Variants in SPTBN1 observed in about 807,000 individuals in gnomAD.
SPTBN1 encodes spectrin beta chain, non-erythrocytic 1.
In SPTBN1, 32 loss-of-function variants were observed where a neutral mutation model predicts 266.4. The ratio of observed to expected loss-of-function variants is 0.12; its 90% CI spans 0.09 to 0.16. SPTBN1 has a LOEUF of 0.16. SPTBN1 is among the 10% of genes least tolerant of loss of function. The pLI, the probability that SPTBN1 is intolerant of heterozygous loss-of-function variation, is 1.00. For synonymous variants in SPTBN1, 1,336 were observed against 1,162.2 expected, an observed-to-expected ratio of 1.15 and a Z score of -3.04; for missense variants, 2,296 against 3,067.1, an observed-to-expected ratio of 0.75 and a Z score of 5.94.
chr2:54,617,536 A>G (rs771016714), intron 5 of SPTBN1, 72 bp from the exon 6 acceptor site: 3 of 1,442,780 alleles, frequency 2.1e-6, no homozygotes, highest in Non-Finnish European at 1.9e-6. Context: ...TTTATTAACA[A>G]AGCACTTGGC....
At chr2:54,565,027 A>AG (rs1418009079) in intron 2 of SPTBN1, among the ~76,000 whole-genome samples, 1 of 152,236 alleles carries the variant, frequency 6.6e-6, no homozygotes. Context: ...TGAGGTCCCC[A>AG]GGTCAGCATC....
intron 2 of SPTBN1, among the ~76,000 whole-genome samples, chr2:54,544,149 G>T (rs1361674310): frequency 6.6e-6 from 1 of 152,162 alleles, no homozygotes; most frequent in Non-Finnish European, 1.5e-5. Flanking sequence ...ACAGATTTCA[G>T]TCTGAGATTT....
intron 1 of SPTBN1, among the ~76,000 whole-genome samples, chr2:54,466,486 C>T (rs1232377273): frequency 1.6e-5 from 1 of 63,446 alleles, no homozygotes; most frequent in Non-Finnish European, 2.5e-5. Flanking sequence ...GGCGTGAACC[C>T]GGGAGGCGAA....
At chr2:54,507,363 G>A (rs1006842368) in intron 1 of SPTBN1, among the ~76,000 whole-genome samples, 9 of 152,158 alleles carry the variant, frequency 5.9e-5, no homozygotes, top group Middle Eastern at 6.8e-3. Flanking sequence ...GAAAATTTTG[G>A]GGGGTGGTAT....
In SPTBN1 at chr2:54,626,013, G is replaced by A. The variant is rs747062361; in HGVS notation, c.1423G>A (p.Glu475Lys). ...EAIETDIAAY[E>K]ERVQAVVAVA... ...CATTGAGACAGACATTGCCGCATACGAGGAGCGTGTGCAGGCTGTGGTAGC... is the reference window on the plus strand; with the variant it reads ...CATTGAGACAGACATTGCCGCATACAAGGAGCGTGTGCAGGCTGTGGTAGC... Residue 475 changes from glutamate (E) to lysine (K), a missense_variant, in exon 12 of 36, where the codon GAG becomes AAG. Transcript: ENST00000356805. This position sits in a 1 kb window ranked among gnomAD's most constrained non-coding sequence, Gnocchi z 4.7. The A allele has an allele frequency of 5.6e-6, 9 of 1,614,074 alleles. No homozygotes were observed. The highest frequency in any genetic ancestry group is 1.7e-5 in the Admixed American group (1 of 60,006).
Position 54,624,875 on chromosome 2 carries a change from G to A in SPTBN1, c.1254G>A (p.Glu418=), listed in dbSNP as rs1223936878. The change falls in exon 11 of 36, where the codon GAG becomes GAA. Residue 418 remains glutamate (E), a synonymous_variant. Coordinates refer to ENST00000356805, the MANE Select transcript of SPTBN1 (RefSeq NM_003128.3). ...TGCGGAATGAGCTCATAAGACAGGA[G>A]AAACTGGAACAGCTCGCCCGCAGAT... is the stretch of plus-strand genomic sequence containing the variant. ...LALRNELIRQ[E]KLEQLARRFD... 1 of 1,614,222 alleles carries A rather than the reference G, an allele frequency of 6.2e-7. No homozygotes were observed. The highest frequency in any genetic ancestry group is 1.1e-5 in the South Asian group (1 of 91,086).
chr2:54,524,393 A>G (rs983786700), intron 1 of SPTBN1, among the ~76,000 whole-genome samples: 1 of 152,048 alleles, frequency 6.6e-6, no homozygotes, highest in African/African-American at 2.4e-5. Flanking sequence ...ACATTTAACC[A>G]CACCCATAGG....
intron 2 of SPTBN1, among the ~76,000 whole-genome samples, chr2:54,539,484 T>G (rs939468613): frequency 1.3e-5 from 2 of 152,218 alleles, no homozygotes; most frequent in African/African-American, 4.8e-5. Context: ...CTTTCCCATC[T>G]TTCTCCCTAA....
chr2:54,642,777 ATAG>A (rs1679662935), intron 18 of SPTBN1, among the ~76,000 whole-genome samples: 1 of 152,198 alleles, frequency 6.6e-6, no homozygotes. Flanking sequence ...AATGTTAGAT[ATAG>A]TTTGGAGCAG....
Position 54,631,610 on chromosome 2 carries a change from A to T in SPTBN1, c.3563A>T (p.Gln1188Leu). ...CAAGCCGAAGCCTTTCTTAACAACCAGGTAAGGTTTGTTCCTGCCTTTGCT... is the reference window on the plus strand; with the variant it reads ...CAAGCCGAAGCCTTTCTTAACAACCTGGTAAGGTTTGTTCCTGCCTTTGCT... Reference protein sequence around the residue: ...TKQAEAFLNNQEYVLAHTEMP... With the variant: ...TKQAEAFLNNLEYVLAHTEMP... The change falls in exon 16 of 36, where the codon CAG (glutamine) becomes CTG (leucine). Residue 1188 changes from glutamine to leucine, a missense_variant and splice_region_variant. Physicochemically the swap from Gln to Leu is moderately radical, Grantham distance 113. Around this residue, in one of 12 missense-constraint regions of SPTBN1, gnomAD observed 386 missense variants for 486.1 expected, o/e 0.79. Coordinates refer to ENST00000356805, the MANE Select transcript of SPTBN1 (RefSeq NM_003128.3). 6.2e-7 allele frequency: 1 copy of T among 1,607,734 alleles called. No individual in the cohort carries two copies. Among genetic ancestry groups the T allele is most frequent in the Non-Finnish European group, 8.5e-7 (1 of 1,176,528 alleles).
chr2:54,535,576 A>G (rs914832493), intron 2 of SPTBN1, among the ~76,000 whole-genome samples: 2 of 152,218 alleles, frequency 1.3e-5, no homozygotes, highest in African/African-American at 2.4e-5. Context: ...ATGTATCAGT[A>G]CCTTATTTCT....
intron 1 of SPTBN1, among the ~76,000 whole-genome samples, chr2:54,474,311 G>T (rs1156544033): frequency 3.3e-5 from 5 of 152,100 alleles, no homozygotes; most frequent in Admixed American, 2.6e-4. Flanking sequence ...TCCATCATTG[G>T]TAAGTTACAG....
chr2:54,566,260 C>A (rs1239117733), intron 2 of SPTBN1, among the ~76,000 whole-genome samples: 2 of 146,840 alleles, frequency 1.4e-5, no homozygotes, highest in Non-Finnish European at 3.0e-5. Context: ...ATGATCTCAG[C>A]TCACCGCAAC....
chr2:54,538,386 C>G (rs1258321249), intron 2 of SPTBN1, among the ~76,000 whole-genome samples: 1 of 152,154 alleles, frequency 6.6e-6, no homozygotes, highest in African/African-American at 2.4e-5. Flanking sequence ...GAGTGCCATT[C>G]TAGATTCTTT....
rs924532331 is a variant in SPTBN1 at position 54,669,378 on chromosome 2, C to G, written c.*809C>G. ...TGGTGGAACTGAAGCATTTACTGGA[C>G]AAAGTAATGTTACTCTAATGGTTAC... On this transcript the variant is annotated 3_prime_UTR_variant, in exon 36 of 36. Coordinates refer to ENST00000356805, the MANE Select transcript of SPTBN1 (RefSeq NM_003128.3). 1 of 152,468 alleles carries G rather than the reference C, an allele frequency of 6.6e-6. No homozygotes were observed. The highest frequency in any genetic ancestry group is 2.4e-5 in the African/African-American group (1 of 41,390). 9.4% of individuals were successfully genotyped at this position (152,468 alleles called of 1,614,324 possible). A position where few individuals can be genotyped will look rare whatever the true frequency, so the allele number is the denominator to read the frequency against.
chr2:54,525,077 C>T (rs1406583456), intron 1 of SPTBN1, among the ~76,000 whole-genome samples: 2 of 152,170 alleles, frequency 1.3e-5, no homozygotes, highest in Non-Finnish European at 2.9e-5. Context: ...TCTGGTCCAG[C>T]ACAGAGTACG....
intron 1 of SPTBN1, among the ~76,000 whole-genome samples, chr2:54,462,210 C>A (rs1177521990): frequency 6.6e-6 from 1 of 152,182 alleles, no homozygotes; most frequent in African/African-American, 2.4e-5. Context: ...ACAGTTGTTT[C>A]CTTTCTGTTG....
Position 54,558,952 on chromosome 2 carries a change from T to A in SPTBN1, c.148+32386T>A. The A allele has an allele frequency of 1.9e-6, 3 of 1,562,438 alleles. No homozygotes were observed. Among genetic ancestry groups the A allele is most frequent in the Non-Finnish European group, 2.6e-6 (3 of 1,149,294 alleles). ...AACGGGGGTTCTTGGAGGCTTTATT[T>A]GTGACCCTAATGAAGACGGGCGGCT... On this transcript the variant is annotated intron_variant, in intron 2 of 35. Coordinates refer to ENST00000356805, the MANE Select transcript of SPTBN1 (RefSeq NM_003128.3). The surrounding 1 kb of genome is among the most constrained non-coding windows in gnomAD (Gnocchi z 4.6).
At chr2:54,631,781 G>A (rs189997381) in intron 16 of SPTBN1, among the ~76,000 whole-genome samples, 170 bp downstream of exon 16, 38 of 152,272 alleles carry the variant, frequency 2.5e-4, no homozygotes, top group African/African-American at 7.9e-4. Flanking sequence ...AATCCATCAC[G>A]TTGTAGGGGA....
Sources: gnomAD v4.1 joint callset for allele counts (sites outside exome capture counted in the v4.1 genomes callset) on GRCh38, gnomAD v4.1.1 for gene constraint, gnomAD v4.1.1 regional missense constraint, Gnocchi (gnomAD v3.1) non-coding constraint, MANE v1.5 for transcripts, NCBI Gene and HGNC (gene_info 2026-07-23, HGNC 2026-07-21) for gene names.